The following FEZ2 variants were observed in gnomAD, a reference collection of about 807,000 sequenced individuals.
The protein encoded by FEZ2 is fasciculation and elongation protein zeta 2.
In FEZ2, 51 loss-of-function variants were observed where a neutral mutation model predicts 40.4. The ratio of observed to expected loss-of-function variants is 1.26; its 90% CI spans 1.01 to 1.59. FEZ2 has a LOEUF of 1.59. Among genes scored for constraint, FEZ2 ranks in the 40% most tolerant of loss-of-function variants. FEZ2 has a pLI of 0.00. For synonymous variants in FEZ2, 242 were observed against 172.0 expected, an observed-to-expected ratio of 1.41 and a Z score of -3.18; for missense variants, 640 against 438.3, an observed-to-expected ratio of 1.46 and a Z score of -4.11.
At chr2:36,573,186 T>G (rs571503436) in intron 5 of FEZ2, among the ~76,000 whole-genome samples, 1 of 152,328 alleles carries the variant, frequency 6.6e-6, no homozygotes, top group African/African-American at 2.4e-5. Context: ...TCAACAAGAC[T>G]TAGCATAAAC....
At chr2:36,562,343 T>C (rs1668116589) in intron 5 of FEZ2, among the ~76,000 whole-genome samples, 1 of 152,208 alleles carries the variant, frequency 6.6e-6, no homozygotes, top group African/African-American at 2.4e-5. Flanking sequence ...CGTAAAGAAG[T>C]CTTGATAACA....
chr2:36,555,873 T>G, intron 6 of FEZ2, 125 bp from the exon 7 acceptor site: 1 of 667,306 alleles, frequency 1.5e-6, no homozygotes, highest in Non-Finnish European at 2.7e-6. Context: ...ATACAAATTA[T>G]AGGTGATTTT....
At chr2:36,562,946 C>A (rs1367089923) in intron 5 of FEZ2, among the ~76,000 whole-genome samples, 2 of 152,158 alleles carry the variant, frequency 1.3e-5, no homozygotes, top group Non-Finnish European at 2.9e-5. Flanking sequence ...TTCATAAAAT[C>A]TAAAGCTAGA....
intron 3 of FEZ2, among the ~76,000 whole-genome samples, chr2:36,582,353 G>C (rs1179494): frequency 0.32 from 48,150 of 151,958 alleles, 8,019 homozygotes; most frequent in South Asian, 0.48. Context: ...AAATCTGAAG[G>C]AGATGGGATT....
intron 5 of FEZ2, among the ~76,000 whole-genome samples, chr2:36,570,676 A>C (rs953407000): frequency 6.6e-6 from 1 of 152,222 alleles, no homozygotes; most frequent in Admixed American, 6.5e-5. Flanking sequence ...CTTAGGCTAC[A>C]TGGTATAGTC....
intron 5 of FEZ2, among the ~76,000 whole-genome samples, chr2:36,560,461 T>C (rs1668064843): frequency 1.3e-5 from 2 of 152,226 alleles, no homozygotes; most frequent in Non-Finnish European, 2.9e-5. Context: ...TTAGTTTAGT[T>C]ATTTTCACAA....
At chr2:36,571,126 T>C (rs72868460) in intron 5 of FEZ2, among the ~76,000 whole-genome samples, 100 of 152,336 alleles carry the variant, frequency 6.6e-4, no homozygotes, top group African/African-American at 2.3e-3. Flanking sequence ...TATATTTCTC[T>C]AGGTAATATT....
chr2:36,559,777 C>T (rs1203931755), intron 5 of FEZ2, among the ~76,000 whole-genome samples: 2 of 152,210 alleles, frequency 1.3e-5, no homozygotes, highest in Non-Finnish European at 2.9e-5. Context: ...GGCCTCCCTG[C>T]TCCACTGACA....
chr2:36,561,894 T>C (rs1181205466), intron 5 of FEZ2, among the ~76,000 whole-genome samples: 2 of 152,204 alleles, frequency 1.3e-5, no homozygotes, highest in African/African-American at 4.8e-5. Flanking sequence ...AAGAAATACA[T>C]ATAGTTTCAT....
At chr2:36,577,878 A>G (rs944780030) in intron 5 of FEZ2, among the ~76,000 whole-genome samples, 2 of 152,254 alleles carry the variant, frequency 1.3e-5, no homozygotes, top group African/African-American at 2.4e-5. Context: ...GAGATGTCCC[A>G]TTTAGAAAAA....
At chr2:36,595,469 G>A (rs986782961) in intron 1 of FEZ2, among the ~76,000 whole-genome samples, 10 of 152,222 alleles carry the variant, frequency 6.6e-5, no homozygotes, top group Admixed American at 3.9e-4. Context: ...ATCTAATGCC[G>A]TGGCTGATCT....
chr2:36,596,543 G>A (rs1262198331), intron 1 of FEZ2, among the ~76,000 whole-genome samples: 1 of 152,252 alleles, frequency 6.6e-6, no homozygotes, highest in Non-Finnish European at 1.5e-5. Flanking sequence ...TGCAACCTTC[G>A]CCTCCAGGAC....
At chr2:36,560,767 A>G (rs776626587) in intron 5 of FEZ2, 2 of 1,528,252 alleles carry the variant, frequency 1.3e-6, no homozygotes, top group Non-Finnish European at 1.8e-6. Context: ...AATGAGGAAA[A>G]TAAGGATAAC....
chr2:36,578,452 G>A, intron 5 of FEZ2, 145 bp downstream of exon 5: 3 of 868,462 alleles, frequency 3.5e-6, no homozygotes, highest in South Asian at 1.7e-5. Context: ...GCGGTATTCT[G>A]GAATAAAATC....
chr2:36,586,971 CT>C (rs1389531017), intron 2 of FEZ2, among the ~76,000 whole-genome samples: 1 of 152,164 alleles, frequency 6.6e-6, no homozygotes, highest in Admixed American at 6.5e-5. Flanking sequence ...CAAATTGCTT[CT>C]GTGGAAGACA....
At chr2:36,596,661 T>A (rs1484204611) in intron 1 of FEZ2, among the ~76,000 whole-genome samples, 1 of 152,012 alleles carries the variant, frequency 6.6e-6, no homozygotes, top group Non-Finnish European at 1.5e-5. Context: ...AAAGACCAGA[T>A]TTCACGATAT....
At chr2:36,579,612 C>A (rs1007289433) in intron 4 of FEZ2, among the ~76,000 whole-genome samples, 1 of 152,174 alleles carries the variant, frequency 6.6e-6, no homozygotes, top group Non-Finnish European at 1.5e-5. Context: ...CTGCCTCCCA[C>A]CATGAGTAAA....
At chr2:36,564,133 A>G (rs547978423) in intron 5 of FEZ2, among the ~76,000 whole-genome samples, 1 of 152,238 alleles carries the variant, frequency 6.6e-6, no homozygotes, top group South Asian at 2.1e-4. Flanking sequence ...AGACTGGCAC[A>G]TGGCAAAGCT....
At chr2:36,591,797 C>T (rs766926884) in intron 1 of FEZ2, among the ~76,000 whole-genome samples, 6 of 152,128 alleles carry the variant, frequency 3.9e-5, no homozygotes, top group African/African-American at 7.2e-5. Flanking sequence ...CTTCAAATAA[C>T]GAGTCATTGG....
Sources: gnomAD v4.1 joint callset for allele counts (sites outside exome capture counted in the v4.1 genomes callset) on GRCh38, gnomAD v4.1.1 for gene constraint, MANE v1.5 for transcripts, NCBI Gene and HGNC (gene_info 2026-07-23, HGNC 2026-07-21) for gene names.